Variants in SEPTIN14 observed in about 807,000 individuals in gnomAD.
The protein encoded by SEPTIN14 is septin-14.
In SEPTIN14, 40 loss-of-function variants were observed where a neutral mutation model predicts 53.6. The ratio of observed to expected loss-of-function variants is 0.75; its 90% CI spans 0.58 to 0.97. The LOEUF is 0.97. Ranked by LOEUF, SEPTIN14 falls within the 50% of genes least tolerant of loss-of-function variation. SEPTIN14 has a pLI of 0.00. For missense variants in SEPTIN14, 471 were observed against 508.2 expected, an observed-to-expected ratio of 0.93 and a Z score of 0.70; for synonymous variants, 138 against 166.8, an observed-to-expected ratio of 0.83 and a Z score of 1.33.
chr7:55,834,867 A>C (rs984793759), intron 5 of SEPTIN14, among the ~76,000 whole-genome samples: 5 of 151,876 alleles, frequency 3.3e-5, no homozygotes, highest in African/African-American at 9.7e-5. Flanking sequence ...GGATGGTCTC[A>C]ATCTCCTGAC....
chr7:55,860,056 G>A (rs1168562770), intron 2 of SEPTIN14, among the ~76,000 whole-genome samples: 1 of 151,986 alleles, frequency 6.6e-6, no homozygotes, highest in African/African-American at 2.4e-5. Flanking sequence ...GCGCATGCCT[G>A]TAATCCCAGC....
chr7:55,853,876 A>G (rs1009788761), intron 2 of SEPTIN14, among the ~76,000 whole-genome samples: 4 of 152,154 alleles, frequency 2.6e-5, no homozygotes, highest in Non-Finnish European at 2.9e-5. Flanking sequence ...GAATTTTGGG[A>G]GGCTGAGGCT....
At position 55,814,155 on chromosome 7, in the gene SEPTIN14, G is replaced by A. The variant is rs563946276; in HGVS notation, c.817+4972C>T. Among the ~76,000 whole-genome samples the A allele has an allele frequency of 5.3e-5, 8 of 152,232 alleles. No homozygotes were observed. In the East Asian group the frequency reaches 7.7e-4, roughly 15 times the overall value. On this transcript the variant is annotated intron_variant, in intron 7 of 9. Coordinates refer to ENST00000388975, the MANE Select transcript of SEPTIN14 (RefSeq NM_207366.3). ...ACTGAGGCAGTACGAGTCTGCTGGC[G>A]TCACAGTGTTACTGGGCTTGGGGTA...
chr7:55,842,067 T>C (rs1789321513), intron 5 of SEPTIN14, among the ~76,000 whole-genome samples: 1 of 152,022 alleles, frequency 6.6e-6, no homozygotes, highest in South Asian at 2.1e-4. Flanking sequence ...ACACAGATAC[T>C]TACCATTGTG....
At chr7:55,814,556 A>C (rs936934351) in intron 7 of SEPTIN14, among the ~76,000 whole-genome samples, 4 of 152,242 alleles carry the variant, frequency 2.6e-5, no homozygotes, top group Non-Finnish European at 5.9e-5. Flanking sequence ...AATTTATGAC[A>C]GCTATAAAAT....
intron 9 of SEPTIN14, among the ~76,000 whole-genome samples, chr7:55,802,371 A>G (rs1028814542): frequency 3.9e-5 from 6 of 152,294 alleles, no homozygotes; most frequent in African/African-American, 1.4e-4. Flanking sequence ...CCAGAAGAGG[A>G]CACTATGAGA....
Position 55,807,223 on chromosome 7 carries a change from G to T in SEPTIN14, c.853C>A (p.Arg285=). ...ATATTGGTACAAAGAAGCATATCTC[G>T]GAGCTTAACGAAGTCACAGTGATTT... ...NENHCDFVKL[R]DMLLCTNMEN... The change falls in exon 8 of 10, where the codon CGA becomes AGA. Residue 285 remains arginine, a synonymous_variant. Coordinates refer to ENST00000388975, the MANE Select transcript of SEPTIN14 (RefSeq NM_207366.3). 6.3e-7 allele frequency: 1 copy of T among 1,590,180 alleles called. No individual in the cohort carries two copies. Among genetic ancestry groups the T allele is most frequent in the East Asian group, 2.3e-5 (1 of 43,998 alleles).
chr7:55,861,804 A>G (rs902616905), intron 2 of SEPTIN14, 139 bp downstream of exon 2: 8 of 534,244 alleles, frequency 1.5e-5, no homozygotes, highest in Non-Finnish European at 2.2e-5. Flanking sequence ...CAATTAGTAT[A>G]AAAGCTAATT....
intron 7 of SEPTIN14, among the ~76,000 whole-genome samples, chr7:55,812,476 G>A (rs187694392): frequency 2.0e-5 from 3 of 152,300 alleles, no homozygotes; most frequent in African/African-American, 4.8e-5. Flanking sequence ...CAAACGGTAC[G>A]AAGTTTTAGT....
intron 6 of SEPTIN14, among the ~76,000 whole-genome samples, chr7:55,823,740 G>C (rs1333648091): frequency 1.3e-5 from 2 of 152,174 alleles, no homozygotes; most frequent in African/African-American, 4.8e-5. Context: ...TCAGCATACA[G>C]CCTAAGAACT....
intron 9 of SEPTIN14, among the ~76,000 whole-genome samples, chr7:55,804,555 G>A (rs1170674485): frequency 1.3e-5 from 2 of 152,078 alleles, no homozygotes; most frequent in East Asian, 1.9e-4. Context: ...CACCGCACCC[G>A]GCTGGAATTT....
Position 55,861,959 on chromosome 7 carries a change from G to T in SEPTIN14, c.38C>A (p.Pro13His), listed in dbSNP as rs374408553. 3.8e-6 allele frequency: 6 copies of T among 1,580,634 alleles called. No homozygotes were observed. In the African/African-American group the frequency reaches 6.8e-5, roughly 18 times the overall value. ...ERTMAMPTQI[P>H]ADGDTQKENN... The stretch of plus-strand genomic sequence containing the variant: ...ATACTTAACTGTATCTCCATCAGCA[G>T]GTATTTGTGTGGGCATAGCCATTGT... Residue 13 changes from proline (P) to histidine (H), a missense_variant, in exon 2 of 10, where the codon CCT becomes CAT. Physicochemically the swap from Pro to His is moderately conservative, Grantham distance 77. Transcript: ENST00000388975.
intron 6 of SEPTIN14, 85 bp from the exon 7 acceptor site, chr7:55,819,308 A>T: frequency 9.5e-7 from 1 of 1,049,382 alleles, no homozygotes; most frequent in Non-Finnish European, 1.4e-6. Context: ...TAAAAATGAC[A>T]GGCCAGCGCG....
chr7:55,821,841 C>T (rs1788900904), intron 6 of SEPTIN14, among the ~76,000 whole-genome samples: 1 of 152,220 alleles, frequency 6.6e-6, no homozygotes, highest in Non-Finnish European at 1.5e-5. Flanking sequence ...CTATATTAGT[C>T]TGTTTTAACG....
At chr7:55,819,264 A>G in intron 6 of SEPTIN14, 41 bp from the exon 7 acceptor site, 1 of 1,302,020 alleles carries the variant, frequency 7.7e-7, no homozygotes, top group Non-Finnish European at 1.1e-6. Flanking sequence ...CTCTAGCACC[A>G]TTAGAGCTTA....
intron 5 of SEPTIN14, among the ~76,000 whole-genome samples, chr7:55,840,548 A>T (rs1184513761): frequency 6.6e-6 from 1 of 152,168 alleles, no homozygotes; most frequent in Non-Finnish European, 1.5e-5. Context: ...CCATGTGAGA[A>T]CACAGAGATA....
chr7:55,819,284 T>G, intron 6 of SEPTIN14, 61 bp from the exon 7 acceptor site: 1 of 1,181,194 alleles, frequency 8.5e-7, no homozygotes, highest in Non-Finnish European at 1.2e-6. Context: ...ACTCTATTAC[T>G]CTCATTCCTG....
intron 6 of SEPTIN14, among the ~76,000 whole-genome samples, chr7:55,820,376 A>G (rs1179093216): frequency 6.6e-6 from 1 of 152,232 alleles, no homozygotes; most frequent in Non-Finnish European, 1.5e-5. Context: ...ATCTTAAAAT[A>G]AAGGAGGTGT....
intron 6 of SEPTIN14, among the ~76,000 whole-genome samples, chr7:55,827,685 G>C (rs1473175245): frequency 6.6e-6 from 1 of 152,216 alleles, no homozygotes; most frequent in African/African-American, 2.4e-5. Context: ...AGGCAACTCA[G>C]AGTCTAGGCA....
Sources: allele counts gnomAD v4.1 joint callset (sites outside exome capture counted in the v4.1 genomes callset), GRCh38; gene constraint gnomAD v4.1.1; transcripts MANE v1.5; gene names NCBI Gene and HGNC (gene_info 2026-07-23, HGNC 2026-07-21).